The following WASHC2A variants were observed in gnomAD, a reference collection of about 807,000 sequenced individuals.
WASHC2A encodes the protein WASH complex subunit FAM21A.
In WASHC2A, 82 loss-of-function variants were observed where a neutral mutation model predicts 140.3. The ratio of observed to expected loss-of-function variants is 0.58; its 90% CI spans 0.49 to 0.70. WASHC2A has a LOEUF of 0.70. WASHC2A is among the 30% of genes least tolerant of loss of function. The pLI is 0.00. For missense variants in WASHC2A, 985 were observed against 1,521.8 expected (o/e 0.65, Z 5.87); for synonymous variants, 340 against 560.8 (o/e 0.61, Z 5.56).
At chr10:50,102,918 G>A (rs1369304438) in intron 17 of WASHC2A, among the ~76,000 whole-genome samples, 2 of 151,688 alleles carry the variant, frequency 1.3e-5, no homozygotes, top group African/African-American at 2.4e-5. Flanking sequence ...CTAGGCTGGA[G>A]TGCAATGGTG....
chr10:50,084,254 A>G (rs1839189663), intron 6 of WASHC2A, 89 bp downstream of exon 6: 2 of 1,369,428 alleles, frequency 1.5e-6, no homozygotes, highest in Admixed American at 2.2e-5. Flanking sequence ...TTTCAAGAAT[A>G]GTTCAAAGAA....
intron 30 of WASHC2A, 51 bp from the exon 31 acceptor site, chr10:50,132,755 T>A (rs369651620): frequency 1.0e-4 from 161 of 1,611,962 alleles, no homozygotes; most frequent in Non-Finnish European, 1.3e-4. Flanking sequence ...GTCTTAAAAG[T>A]ACCTTTCTCC....
At chr10:50,127,079 C>T (rs1209419688) in intron 26 of WASHC2A, 81 bp from the exon 27 acceptor site, 10 of 1,516,380 alleles carry the variant, frequency 6.6e-6, no homozygotes, top group Non-Finnish European at 9.2e-6. Context: ...TTTGCTCCAT[C>T]ACAGATTTAT....
intron 28 of WASHC2A, among the ~76,000 whole-genome samples, chr10:50,129,090 T>C (rs1186266806): frequency 2.0e-5 from 3 of 152,038 alleles, no homozygotes; most frequent in African/African-American, 7.3e-5. Context: ...AGGGAGGGGT[T>C]GTGAGACAGA....
intron 23 of WASHC2A, among the ~76,000 whole-genome samples, chr10:50,120,615 T>C (rs1290458527): frequency 2.3e-5 from 2 of 86,294 alleles, no homozygotes; most frequent in Non-Finnish European, 4.2e-5. Context: ...CGAGACTCCA[T>C]CTCAAAAAAA....
chr10:50,100,328 A>G (rs1840991113), intron 17 of WASHC2A, among the ~76,000 whole-genome samples: 1 of 151,580 alleles, frequency 6.6e-6, no homozygotes, highest in Admixed American at 6.6e-5. Context: ...TTAAAAAGAC[A>G]AAAATTAGCT....
At position 50,133,018 on chromosome 10, in the gene WASHC2A, G is replaced by C. The variant is rs1844122491; in HGVS notation, c.*73G>C. The C allele has an allele frequency of 6.2e-7, 1 of 1,609,186 alleles. No homozygotes were observed. Among genetic ancestry groups the C allele is most frequent in the Non-Finnish European group, 8.5e-7 (1 of 1,178,222 alleles). The stretch of plus-strand genomic sequence containing the variant: ...AGTGATGATGTTGTATATGCTGATG[G>C]TCTTAACTGGATTACAAAAAGCAAA... On this transcript the variant is annotated 3_prime_UTR_variant, in exon 31 of 31. Coordinates refer to ENST00000282633, the MANE Select transcript of WASHC2A (RefSeq NM_001005751.3).
At chr10:50,100,947 T>C (rs1192724465) in intron 17 of WASHC2A, among the ~76,000 whole-genome samples, 1 of 152,308 alleles carries the variant, frequency 6.6e-6, no homozygotes, top group African/African-American at 2.4e-5. Context: ...TGTATGAGAT[T>C]GTAATGGGAA....
chr10:50,079,972 T>G (rs1838746335), intron 4 of WASHC2A, among the ~76,000 whole-genome samples: 1 of 125,238 alleles, frequency 8.0e-6, no homozygotes, highest in African/African-American at 3.2e-5. Context: ...ACTAAAATGC[T>G]CGTAGGGTTT....
At position 50,129,978 on chromosome 10, in the gene WASHC2A, A is replaced by G. The variant is rs1407921574; in HGVS notation, c.3647A>G (p.Lys1216Arg). ...CTCTTTACAGATCAGAAAGTCAAGA[A>G]GAATGAGACAAAATCCAATAGTCAG... Reference protein sequence around the residue: ...DDLFTDQKVKKNETKSNSQQD... With the variant: ...DDLFTDQKVKRNETKSNSQQD... The change falls in exon 29 of 31, where the codon AAG becomes AGG. Residue 1216 changes from lysine (K) to arginine (R), a missense_variant. By Grantham distance (26) the Lys-to-Arg change is conservative. Transcript: ENST00000282633. 4 of 1,612,036 alleles carry G rather than the reference A, an allele frequency of 2.5e-6. No individual in the cohort carries two copies. In the African/African-American group the frequency reaches 5.3e-5, roughly 21 times the overall value.
intron 5 of WASHC2A, among the ~76,000 whole-genome samples, chr10:50,082,468 C>T (rs1389885549): frequency 7.2e-6 from 1 of 138,094 alleles, no homozygotes; most frequent in Non-Finnish European, 1.6e-5. Flanking sequence ...AAGGGTGGAG[C>T]ACTTTCTTGA....
chr10:50,101,619 A>G (rs567872741), intron 17 of WASHC2A, among the ~76,000 whole-genome samples: 2 of 152,412 alleles, frequency 1.3e-5, no homozygotes, highest in East Asian at 3.8e-4. Context: ...ATTGTTGATT[A>G]GACAAGAAAA....
intron 18 of WASHC2A, among the ~76,000 whole-genome samples, chr10:50,104,663 C>G (rs1395081921): frequency 6.6e-6 from 1 of 151,996 alleles, no homozygotes; most frequent in Non-Finnish European, 1.5e-5. Flanking sequence ...GGCTTCTTGA[C>G]ACAGTTCTTA....
At chr10:50,076,150 T>A (rs1207869192) in intron 3 of WASHC2A, among the ~76,000 whole-genome samples, 1 of 152,114 alleles carries the variant, frequency 6.6e-6, no homozygotes, top group Non-Finnish European at 1.5e-5. Flanking sequence ...GGTCTCAAAC[T>A]CCTGACCGCA....
chr10:50,112,758 T>G (rs1288399013), intron 20 of WASHC2A, among the ~76,000 whole-genome samples: 2 of 151,454 alleles, frequency 1.3e-5, no homozygotes, highest in Non-Finnish European at 2.9e-5. Flanking sequence ...AGAACATGAA[T>G]GAACCTAGAA....
Position 50,126,043 on chromosome 10 carries a change from T to G in WASHC2A, c.2689-14T>G. On this transcript the variant is annotated splice_polypyrimidine_tract_variant and intron_variant, in intron 25 of 30. Transcript: ENST00000282633. ...GATATTTGATGGCTTTTTGGTATTT[T>G]TTTTCTTTTGAAGGTACAAGAGAAA... 4 of 1,611,848 alleles carry G rather than the reference T, an allele frequency of 2.5e-6. No individual in the cohort carries two copies. In the South Asian group the frequency reaches 4.4e-5, roughly 18 times the overall value.
intron 17 of WASHC2A, 60 bp from the exon 18 acceptor site, chr10:50,103,982 A>G: frequency 7.0e-7 from 1 of 1,426,944 alleles, no homozygotes; most frequent in South Asian, 1.2e-5. Context: ...TTTTATACTG[A>G]CCTGATATTT....
At chr10:50,098,282 A>G (rs1840696282) in intron 16 of WASHC2A, among the ~76,000 whole-genome samples, 2 of 152,128 alleles carry the variant, frequency 1.3e-5, no homozygotes. Context: ...CCCAACAAAT[A>G]GAATACAGAT....
chr10:50,071,926 C>T (rs1333483308), intron 3 of WASHC2A, among the ~76,000 whole-genome samples: 4 of 147,362 alleles, frequency 2.7e-5, no homozygotes, highest in African/African-American at 7.5e-5. Context: ...TTTTTTCTTC[C>T]GAGACAGAGT....
Sources: gnomAD v4.1 joint callset for allele counts (sites outside exome capture counted in the v4.1 genomes callset) on GRCh38, gnomAD v4.1.1 for gene constraint, MANE v1.5 for transcripts, NCBI Gene and HGNC (gene_info 2026-07-23, HGNC 2026-07-21) for gene names.